Variants in CPEB3 observed in about 807,000 individuals in gnomAD.
CPEB3 encodes the protein cytoplasmic polyadenylation element-binding protein 3.
CPEB3 carries 20 observed loss-of-function variants against 67.2 expected under a neutral mutation model. The ratio of observed to expected loss-of-function variants is 0.30; its 90% CI spans 0.21 to 0.43. The LOEUF (loss-of-function observed/expected upper bound fraction) is 0.43, where lower values mean the gene tolerates loss of function less well. CPEB3 is among the 20% of genes least tolerant of loss of function. The pLI is 1.00. For synonymous variants in CPEB3, 376 were observed against 393.1 expected (o/e 0.96, Z 0.51); for missense variants, 746 against 968.6 (o/e 0.77, Z 3.05).
chr10:92,204,660 G>A (rs1849692125), intron 2 of CPEB3, among the ~76,000 whole-genome samples: 1 of 152,024 alleles, frequency 6.6e-6, no homozygotes, highest in Non-Finnish European at 1.5e-5. Flanking sequence ...TCTTCTAGTG[G>A]AAGGAAAATG....
At chr10:92,062,935 C>T (rs1842410828) in intron 9 of CPEB3, among the ~76,000 whole-genome samples, 1 of 152,178 alleles carries the variant, frequency 6.6e-6, no homozygotes, top group South Asian at 2.1e-4. Flanking sequence ...TATGGAGAGA[C>T]ATTTAGATTC....
At chr10:92,236,237 A>G (rs533194587) in intron 2 of CPEB3, among the ~76,000 whole-genome samples, 2 of 152,280 alleles carry the variant, frequency 1.3e-5, no homozygotes, top group South Asian at 4.1e-4. Flanking sequence ...CACCTGCACT[A>G]CATGGACGTT....
intron 7 of CPEB3, among the ~76,000 whole-genome samples, chr10:92,109,453 C>T (rs1322558296): frequency 1.3e-5 from 2 of 152,038 alleles, no homozygotes; most frequent in South Asian, 2.1e-4. Flanking sequence ...GGGGTTTCAC[C>T]GTGTTAGCCA....
At chr10:92,255,605 G>A (rs779191167) in intron 1 of CPEB3, among the ~76,000 whole-genome samples, 8 of 152,142 alleles carry the variant, frequency 5.3e-5, no homozygotes, top group Non-Finnish European at 8.8e-5. Flanking sequence ...TGAGAACTCC[G>A]CAGGGCCACC....
chr10:92,082,301 C>T (rs978786689), intron 8 of CPEB3, among the ~76,000 whole-genome samples: 4 of 150,194 alleles, frequency 2.7e-5, no homozygotes, highest in Admixed American at 2.6e-4. Flanking sequence ...TGTTTGTTTA[C>T]TGAGACAGAG....
chr10:92,216,155 T>C (rs1231946652), intron 2 of CPEB3, among the ~76,000 whole-genome samples: 1 of 150,978 alleles, frequency 6.6e-6, no homozygotes. Context: ...TATATTTTGA[T>C]GGCTGGGTGC....
At chr10:92,128,630 A>T (rs11186838) in intron 6 of CPEB3, among the ~76,000 whole-genome samples, 3 of 152,086 alleles carry the variant, frequency 2.0e-5, no homozygotes, top group Non-Finnish European at 4.4e-5. Context: ...AGCATCTGTA[A>T]GGAACTTCAA....
intron 4 of CPEB3, among the ~76,000 whole-genome samples, chr10:92,160,782 A>G (rs1406113079): frequency 6.6e-6 from 1 of 152,214 alleles, no homozygotes; most frequent in Non-Finnish European, 1.5e-5. Flanking sequence ...ACCACTAAAC[A>G]TCCAAGTAAT....
chr10:92,227,414 G>C (rs918621776), intron 2 of CPEB3, among the ~76,000 whole-genome samples: 3 of 152,148 alleles, frequency 2.0e-5, no homozygotes, highest in Admixed American at 6.6e-5. Flanking sequence ...CATGGATTAT[G>C]ATTTTGAACA....
chr10:92,203,498 A>G (rs1173776910), intron 2 of CPEB3, among the ~76,000 whole-genome samples: 2 of 142,888 alleles, frequency 1.4e-5, no homozygotes, highest in African/African-American at 5.2e-5. Flanking sequence ...ATGTGTATAT[A>G]TATGTGTGTG....
At chr10:92,124,457 A>G (rs570519402) in intron 6 of CPEB3, among the ~76,000 whole-genome samples, 1 of 152,356 alleles carries the variant, frequency 6.6e-6, no homozygotes, top group East Asian at 1.9e-4. Context: ...AAAACAAAAC[A>G]AAAAGCCCAC....
Position 92,049,259 on chromosome 10 carries a change from T to C in CPEB3, c.*2953A>G, listed in dbSNP as rs184701525. 6.6e-6 allele frequency: 1 copy of C among 152,528 alleles called. No individual in the cohort carries two copies. Among genetic ancestry groups the C allele is most frequent in the East Asian group, 1.9e-4 (1 of 5,186 alleles). The allele number at this position is 152,528 out of a possible 1,614,324, so 9.4% of individuals were successfully genotyped here. On this transcript the variant is annotated 3_prime_UTR_variant, in exon 10 of 10. Coordinates refer to ENST00000265997, the MANE Select transcript of CPEB3 (RefSeq NM_014912.5). ...TTTATACAAACAGTACAAACAGTATTGCACATAACAACAAATAGTCGAGGT... is the reference window on the plus strand; with the variant it reads ...TTTATACAAACAGTACAAACAGTATCGCACATAACAACAAATAGTCGAGGT...
chr10:92,075,382 G>C (rs1028913550), intron 9 of CPEB3, among the ~76,000 whole-genome samples: 5 of 152,080 alleles, frequency 3.3e-5, no homozygotes, highest in Non-Finnish European at 7.4e-5. Flanking sequence ...AGACTTAAAG[G>C]CTGTACATTA....
At chr10:92,264,433 C>T (rs1193974486) in intron 1 of CPEB3, among the ~76,000 whole-genome samples, 1 of 152,120 alleles carries the variant, frequency 6.6e-6, no homozygotes, top group Non-Finnish European at 1.5e-5. Context: ...AACTGTTATC[C>T]CTCACCAACT....
Position 92,050,570 on chromosome 10 carries a change from C to T in CPEB3, c.*1642G>A, listed in dbSNP as rs1841865279. 6.6e-6 allele frequency: 1 copy of T among 152,234 alleles called. No individual in the cohort carries two copies. Among genetic ancestry groups the T allele is most frequent in the Non-Finnish European group, 1.5e-5 (1 of 68,022 alleles). The allele number at this position is 152,234 out of a possible 1,614,324, so 9.4% of individuals were successfully genotyped here. A position where few individuals can be genotyped will look rare whatever the true frequency, so the allele number is the denominator to read the frequency against. On this transcript the variant is annotated 3_prime_UTR_variant, in exon 10 of 10. Transcript: ENST00000265997. ...CCAAGGGTGAATGCTAGAAAAATGT[C>T]CACGCTAGTGCTAGCAGGCCTTCAT...
At chr10:92,235,108 G>A (rs556712614) in intron 2 of CPEB3, among the ~76,000 whole-genome samples, 4 of 152,270 alleles carry the variant, frequency 2.6e-5, no homozygotes, top group Non-Finnish European at 5.9e-5. Flanking sequence ...CTCTGATCAT[G>A]AAGGTACCAT....
At chr10:92,161,459 GAC>G (rs1847473747) in intron 4 of CPEB3, among the ~76,000 whole-genome samples, 1 of 152,050 alleles carries the variant, frequency 6.6e-6, no homozygotes, top group Non-Finnish European at 1.5e-5. Flanking sequence ...TTTTAGTAGA[GAC>G]ACGATTTCAC....
rs539363913 is a variant in CPEB3 at position 92,050,246 on chromosome 10, C to T, written c.*1966G>A. 28 of 152,632 alleles carry T rather than the reference C, an allele frequency of 1.8e-4. No homozygotes were observed. The highest frequency in any genetic ancestry group is 6.5e-4 in the African/African-American group (27 of 41,550). 9.5% of individuals were successfully genotyped at this position (152,632 alleles called of 1,614,324 possible). ...AAAAAGCCTCAAAAAGGGGAGGATT[C>T]TAAAATAAGCATTTTTAATCCAGTA... On this transcript the variant is annotated 3_prime_UTR_variant, in exon 10 of 10. Coordinates refer to ENST00000265997, the MANE Select transcript of CPEB3 (RefSeq NM_014912.5).
chr10:92,232,348 C>A (rs940830207), intron 2 of CPEB3, among the ~76,000 whole-genome samples: 1 of 151,692 alleles, frequency 6.6e-6, no homozygotes, highest in Admixed American at 6.6e-5. Flanking sequence ...AGCCACCGTG[C>A]CTGAGCAACA....
Sources: gnomAD v4.1 joint callset for allele counts (sites outside exome capture counted in the v4.1 genomes callset) on GRCh38, gnomAD v4.1.1 for gene constraint, MANE v1.5 for transcripts, NCBI Gene and HGNC (gene_info 2026-07-23, HGNC 2026-07-21) for gene names.